FREM1: variants seen among roughly 807,000 people sequenced by gnomAD.
The protein encoded by FREM1 is FRAS1 related extracellular matrix 1, also known as FRAS1-related extracellular matrix protein 1.
Under a neutral mutation model 210.1 loss-of-function variants are expected in FREM1, and 220 were observed. That is an observed-to-expected ratio of 1.05 (90% CI 0.94 to 1.17). The LOEUF (loss-of-function observed/expected upper bound fraction) is 1.17. FREM1 is among the 50% of genes most tolerant of loss of function. The pLI is 0.00. For synonymous variants in FREM1, 1,189 were observed against 980.2 expected, an observed-to-expected ratio of 1.21 and a Z score of -3.98; for missense variants, 3,454 against 2,675.5, an observed-to-expected ratio of 1.29 and a Z score of -6.42.
chr9:14,807,039 T>C (rs370842775), intron 17 of FREM1, among the ~76,000 whole-genome samples, 193 bp from the exon 18 acceptor site: 46 of 152,314 alleles, frequency 3.0e-4, no homozygotes, highest in African/African-American at 1.1e-3. Context: ...TGAGTGAATT[T>C]ACTTTGACCT....
chr9:14,887,282 G>C (rs979910202), intron 1 of FREM1, among the ~76,000 whole-genome samples: 1 of 152,118 alleles, frequency 6.6e-6, no homozygotes, highest in Non-Finnish European at 1.5e-5. Flanking sequence ...AGGTTATATA[G>C]GCAATAAAAA....
At chr9:14,746,264 G>A in intron 35 of FREM1, 89 bp downstream of exon 35, 2 of 950,008 alleles carry the variant, frequency 2.1e-6, no homozygotes, top group Non-Finnish European at 3.3e-6. Context: ...AATACTTGTT[G>A]AATGAATGAA....
intron 22 of FREM1, 61 bp downstream of exon 22, chr9:14,792,682 T>C (rs1009782667): frequency 1.6e-6 from 2 of 1,254,124 alleles, no homozygotes; most frequent in African/African-American, 1.5e-5. Flanking sequence ...GAAATGTGTA[T>C]ATTGAGAAGA....
At position 14,872,209 on chromosome 9, in the gene FREM1, T is replaced by C. The variant is rs564969695; in HGVS notation, c.-267-2965A>G. Among the ~76,000 whole-genome samples the C allele has an allele frequency of 2.6e-5, 4 of 152,262 alleles. No homozygotes were observed. In the South Asian group the frequency reaches 6.2e-4, roughly 24 times the overall value. On this transcript the variant is annotated intron_variant, in intron 1 of 36. Transcript: ENST00000380880. ...GTTTTTTCCAATTCTGTGAAGAAAA[T>C]CATTGGTAGCTTGATGGGTATGGCA...
At chr9:14,790,571 T>A (rs116520288) in intron 22 of FREM1, 7 of 152,166 alleles carry the variant, frequency 4.6e-5, no homozygotes, top group Non-Finnish European at 1.0e-4. Flanking sequence ...CTTGTCTCCA[T>A]GTAATTCCTT....
chr9:14,824,839 C>A lies in FREM1; in HGVS notation c.2035G>T (p.Val679Phe). ...AATGGAGGAGTAGTTATTGTGTAGA[C>A]CAGCTCCCTGTCATATGATTCTGAA... Reference protein sequence around the residue: ...IDSESYDRELVYTITTPPFFS... With the variant: ...IDSESYDRELFYTITTPPFFS... Residue 679 changes from valine to phenylalanine, a missense_variant, in exon 11 of 37, where the codon GTC becomes TTC. Transcript: ENST00000380880. 6.2e-7 allele frequency: 1 copy of A among 1,612,980 alleles called. No homozygotes were observed. Among genetic ancestry groups the A allele is most frequent in the Non-Finnish European group, 8.5e-7 (1 of 1,179,422 alleles).
Position 14,808,154 on chromosome 9 carries a change from C to T in FREM1, c.2894-20G>A, listed in dbSNP as rs748076435. On this transcript the variant is annotated intron_variant, in intron 16 of 36. Coordinates refer to ENST00000380880, the MANE Select transcript of FREM1 (RefSeq NM_001379081.2). Reference sequence around the variant, plus strand: ...CGCCACCTGGAAGACACAACTATAGCTGAAACCTGCCTTTTAAAAAATATA... The same window carrying T: ...CGCCACCTGGAAGACACAACTATAGTTGAAACCTGCCTTTTAAAAAATATA... 1 of 1,507,486 alleles carries T rather than the reference C, an allele frequency of 6.6e-7. No individual in the cohort carries two copies. The highest frequency in any genetic ancestry group is 8.9e-7 in the Non-Finnish European group (1 of 1,119,724). The allele number at this position is 1,507,486 out of a possible 1,614,324, so 93.4% of individuals were successfully genotyped here. A position where few individuals can be genotyped will look rare whatever the true frequency, so the allele number is the denominator to read the frequency against.
In FREM1 at chr9:14,810,324, G is replaced by A. The variant is rs974080006; in HGVS notation, c.2894-2190C>T. ...AGCATAGGATATATTTACAGAAATA[G>A]CTGGGAAAGCAGGCCAAATATTAAG... On this transcript the variant is annotated intron_variant, in intron 16 of 36. Transcript: ENST00000380880. Among the ~76,000 whole-genome samples the A allele has an allele frequency of 1.1e-4, 17 of 152,182 alleles. 1 individual carries two copies. Among genetic ancestry groups the A allele is most frequent in the African/African-American group, 3.9e-4 (16 of 41,452 alleles).
At chr9:14,753,039 G>A (rs1480176654) in intron 29 of FREM1, among the ~76,000 whole-genome samples, 1 of 152,124 alleles carries the variant, frequency 6.6e-6, no homozygotes, top group Non-Finnish European at 1.5e-5. Context: ...TAACTCTTTA[G>A]GTTAATGAGA....
intron 24 of FREM1, among the ~76,000 whole-genome samples, chr9:14,783,534 G>A (rs1010490861): frequency 5.3e-5 from 8 of 152,262 alleles, no homozygotes; most frequent in African/African-American, 9.6e-5. Flanking sequence ...ACAATGGTTC[G>A]TTCAAAGTCC....
chr9:14,856,856 A>T (rs1422482905), intron 5 of FREM1, among the ~76,000 whole-genome samples: 5 of 150,002 alleles, frequency 3.3e-5, no homozygotes, highest in African/African-American at 1.2e-4. Context: ...AAAAAAAAAA[A>T]TCTCAGCTGT....
At chr9:14,757,559 A>C (rs879527795) in intron 28 of FREM1, among the ~76,000 whole-genome samples, 1 of 152,218 alleles carries the variant, frequency 6.6e-6, no homozygotes, top group Non-Finnish European at 1.5e-5. Context: ...CATCTCAAAA[A>C]ACAAAAAAAA....
At chr9:14,872,653 C>A (rs1313231164) in intron 1 of FREM1, among the ~76,000 whole-genome samples, 64 of 150,578 alleles carry the variant, frequency 4.3e-4, no homozygotes, top group African/African-American at 1.4e-3. Context: ...AATTGAATAC[C>A]CTTTATTTCC....
At chr9:14,794,052 C>T (rs990506720) in intron 21 of FREM1, among the ~76,000 whole-genome samples, 9 of 152,160 alleles carry the variant, frequency 5.9e-5, no homozygotes, top group African/African-American at 2.2e-4. Context: ...AGGAAGAATT[C>T]AGAATTAAAT....
At position 14,804,989 on chromosome 9, in the gene FREM1, A is replaced by G; in HGVS notation, c.3438T>C (p.Asp1146=). ...TCTGCACTACAAAGTCAGGAGCTTCATCATTTGTGGGGTTGATTATAATAG... is the reference window on the plus strand; with the variant it reads ...TCTGCACTACAAAGTCAGGAGCTTCGTCATTTGTGGGGTTGATTATAATAG... The part of the protein sequence containing the change: ...PFSIIINPTN[D]EAPDFVVQNI... The change falls in exon 19 of 37, where the codon GAT becomes GAC. Residue 1146 remains aspartate, a synonymous_variant. Transcript: ENST00000380880. 1 of 1,613,518 alleles carries G rather than the reference A, an allele frequency of 6.2e-7. No individual in the cohort carries two copies. The highest frequency in any genetic ancestry group is 8.5e-7 in the Non-Finnish European group (1 of 1,179,440).
chr9:14,795,394 A>G (rs919194368), intron 21 of FREM1, among the ~76,000 whole-genome samples: 11 of 152,234 alleles, frequency 7.2e-5, no homozygotes, highest in African/African-American at 2.4e-4. Flanking sequence ...CTTAACCACA[A>G]TCCATATCCC....
chr9:14,884,966 C>A (rs906933155), intron 1 of FREM1, among the ~76,000 whole-genome samples: 1 of 128,126 alleles, frequency 7.8e-6, no homozygotes, highest in African/African-American at 3.2e-5. Context: ...GCTCTGTCGC[C>A]CAGGCTGGAG....
chr9:14,874,733 T>A (rs1427717100), intron 1 of FREM1, among the ~76,000 whole-genome samples: 1 of 152,190 alleles, frequency 6.6e-6, no homozygotes, highest in East Asian at 1.9e-4. Flanking sequence ...GTTATTTTGC[T>A]CATTAGTTGA....
chr9:14,858,127 C>T (rs1431355197), intron 4 of FREM1, among the ~76,000 whole-genome samples: 1 of 152,176 alleles, frequency 6.6e-6, no homozygotes, highest in Non-Finnish European at 1.5e-5. Context: ...ACAATCTCTA[C>T]TAGGCTGTCT....
Sources: gnomAD v4.1 joint callset for allele counts (sites outside exome capture counted in the v4.1 genomes callset) on GRCh38, gnomAD v4.1.1 for gene constraint, MANE v1.5 for transcripts, NCBI Gene and HGNC (gene_info 2026-07-23, HGNC 2026-07-21) for gene names.